The following HECW1 variants were observed in gnomAD, a reference collection of about 807,000 sequenced individuals.
HECW1 encodes the protein E3 ubiquitin-protein ligase HECW1.
A neutral mutation model predicts 182.3 loss-of-function variants in HECW1; 61 were observed. That is an observed-to-expected ratio of 0.33 (90% CI 0.27 to 0.41). HECW1 has a LOEUF of 0.41. Ranked by LOEUF, HECW1 falls within the 10% of genes least tolerant of loss-of-function variation. The pLI, the probability that HECW1 is intolerant of heterozygous loss-of-function variation, is 1.00. For synonymous variants in HECW1, 859 were observed against 832.6 expected, an observed-to-expected ratio of 1.03 and a Z score of -0.55; for missense variants, 1,739 against 2,108.9, an observed-to-expected ratio of 0.82 and a Z score of 3.44.
chr7:43,512,040 G>C (rs189240704), intron 24 of HECW1: 1 of 216,190 alleles, frequency 4.6e-6, no homozygotes, highest in African/African-American at 2.3e-5. Context: ...TGCCCACAGC[G>C]TGGGCGTAGC....
At chr7:43,468,771 G>C (rs779447713) in intron 15 of HECW1, 149 bp from the exon 16 acceptor site, 66 of 665,226 alleles carry the variant, frequency 9.9e-5, no homozygotes, top group Non-Finnish European at 1.6e-4. Flanking sequence ...TCTTGAGCAA[G>C]AGCTCATTTT....
intron 5 of HECW1, among the ~76,000 whole-genome samples, chr7:43,353,135 C>T (rs781774373): frequency 1.1e-4 from 16 of 151,878 alleles, no homozygotes; most frequent in South Asian, 8.3e-4. Context: ...ATGGTCACCC[C>T]GGCCCAAACT....
chr7:43,542,598 C>T (rs2081404500), intron 26 of HECW1, among the ~76,000 whole-genome samples: 1 of 151,852 alleles, frequency 6.6e-6, no homozygotes, highest in Non-Finnish European at 1.5e-5. Context: ...TGTTGATGAA[C>T]ACCTGGGTTT....
chr7:43,176,417 A>G (rs1289878082), intron 2 of HECW1, among the ~76,000 whole-genome samples: 1 of 152,214 alleles, frequency 6.6e-6, no homozygotes, highest in South Asian at 2.1e-4. Flanking sequence ...CTGAACATCT[A>G]AGACTGGGTA....
At chr7:43,227,167 A>G (rs2152706619) in intron 2 of HECW1, among the ~76,000 whole-genome samples, 1 of 152,338 alleles carries the variant, frequency 6.6e-6, no homozygotes, top group African/African-American at 2.4e-5. Flanking sequence ...TGACAGAAAC[A>G]ATATGAAATT....
intron 19 of HECW1, among the ~76,000 whole-genome samples, chr7:43,495,884 C>T (rs1256547535): frequency 3.9e-5 from 6 of 152,118 alleles, no homozygotes; most frequent in Admixed American, 1.3e-4. Flanking sequence ...ACATTCTTTA[C>T]GTTACTGATT....
chr7:43,265,479 T>C (rs1801674805), intron 3 of HECW1, among the ~76,000 whole-genome samples: 2 of 152,220 alleles, frequency 1.3e-5, no homozygotes, highest in Admixed American at 1.3e-4. Context: ...AACATAAGTT[T>C]ATGTTGAAAT....
chr7:43,271,751 T>C (rs970937773), intron 3 of HECW1, among the ~76,000 whole-genome samples: 3 of 152,150 alleles, frequency 2.0e-5, no homozygotes, highest in African/African-American at 7.2e-5. Flanking sequence ...AAAGAATCAG[T>C]ATTATTAAAA....
At chr7:43,223,552 G>A (rs896707357) in intron 2 of HECW1, among the ~76,000 whole-genome samples, 24 of 151,972 alleles carry the variant, frequency 1.6e-4, no homozygotes, top group Non-Finnish European at 1.5e-5. Flanking sequence ...CTGGGAGGTG[G>A]AAGTTGAAGC....
At chr7:43,132,856 A>G (rs1456463630) in intron 2 of HECW1, among the ~76,000 whole-genome samples, 5 of 152,288 alleles carry the variant, frequency 3.3e-5, no homozygotes, top group African/African-American at 2.4e-5. Context: ...AACATTGGCT[A>G]AAATTAGAAC....
intron 6 of HECW1, chr7:43,377,687 T>C: frequency 4.9e-6 from 1 of 204,572 alleles, no homozygotes. Context: ...ACAGCAAAGA[T>C]GGCAGAAGCC....
chr7:43,332,968 G>A (rs1584510910), intron 5 of HECW1, among the ~76,000 whole-genome samples: 1 of 152,310 alleles, frequency 6.6e-6, no homozygotes, highest in South Asian at 2.1e-4. Flanking sequence ...CAAGTGATAG[G>A]ACTGGGATGG....
intron 2 of HECW1, among the ~76,000 whole-genome samples, chr7:43,225,937 C>CT (rs1054616454): frequency 1.5e-4 from 22 of 151,550 alleles, no homozygotes; most frequent in African/African-American, 5.1e-4. Flanking sequence ...ACTCAGCTAA[C>CT]TTTTTTTTTA....
intron 5 of HECW1, among the ~76,000 whole-genome samples, chr7:43,337,309 T>A (rs1812426226): frequency 6.6e-6 from 1 of 152,214 alleles, no homozygotes; most frequent in African/African-American, 2.4e-5. Flanking sequence ...AGCATGTGTT[T>A]GTTGACCACT....
chr7:43,506,986 CT>C (rs1419447809), intron 21 of HECW1, 150 bp from the exon 22 acceptor site: 44 of 877,262 alleles, frequency 5.0e-5, no homozygotes, highest in Middle Eastern at 7.0e-4. Context: ...AGCAGAATCG[CT>C]TGAACCCAGG....
At chr7:43,348,523 C>T (rs942929433) in intron 5 of HECW1, among the ~76,000 whole-genome samples, 4 of 151,620 alleles carry the variant, frequency 2.6e-5, no homozygotes, top group African/African-American at 9.7e-5. Flanking sequence ...TTTAGTTCTG[C>T]TCTGATCTTG....
chr7:43,159,969 G>A (rs191480060), intron 2 of HECW1, among the ~76,000 whole-genome samples: 28 of 152,196 alleles, frequency 1.8e-4, no homozygotes, highest in African/African-American at 3.1e-4. Context: ...GTGAGCCACC[G>A]CGCCCAGCTG....
At chr7:43,549,603 T>C (rs1235612941) in intron 26 of HECW1, among the ~76,000 whole-genome samples, 1 of 152,324 alleles carries the variant, frequency 6.6e-6, no homozygotes, top group East Asian at 1.9e-4. Flanking sequence ...GAAAAGATGA[T>C]ACACAGATAA....
intron 3 of HECW1, among the ~76,000 whole-genome samples, chr7:43,286,312 G>A (rs1420563515): frequency 3.9e-5 from 6 of 152,164 alleles, no homozygotes; most frequent in Non-Finnish European, 8.8e-5. Flanking sequence ...CAGTGATAAT[G>A]CCATCAAGAC....
Sources: gnomAD v4.1 joint callset for allele counts (sites outside exome capture counted in the v4.1 genomes callset) on GRCh38, gnomAD v4.1.1 for gene constraint, MANE v1.5 for transcripts, NCBI Gene and HGNC (gene_info 2026-07-23, HGNC 2026-07-21) for gene names.